Variants in SPECC1 observed in about 807,000 individuals in gnomAD.
The protein encoded by SPECC1 is sperm antigen with calponin homology and coiled-coil domains 1, also known as cytospin-B.
In SPECC1, 62 loss-of-function variants were observed where a neutral mutation model predicts 104.1. That is an observed-to-expected ratio of 0.60 (90% CI 0.49 to 0.74). SPECC1 has a LOEUF of 0.74. Among genes scored for constraint, SPECC1 ranks in the 30% least tolerant of loss-of-function variants. The pLI is 0.00. For missense variants in SPECC1, 1,306 were observed against 1,310.5 expected (o/e 1.00, Z 0.05); for synonymous variants, 513 against 501.6 (o/e 1.02, Z -0.30).
intron 12 of SPECC1, among the ~76,000 whole-genome samples, chr17:20,285,646 C>T (rs1213258782): frequency 1.3e-5 from 2 of 152,070 alleles, no homozygotes; most frequent in Admixed American, 1.3e-4. Context: ...ACTTTTTCCT[C>T]CCCAAAAATC....
chr17:20,247,939 C>T (rs1277475866), intron 9 of SPECC1, among the ~76,000 whole-genome samples: 1 of 152,160 alleles, frequency 6.6e-6, no homozygotes, highest in African/African-American at 2.4e-5. Context: ...GAAAGGTTCC[C>T]AGAGCATCTG....
rs568475763 is a variant in SPECC1, at chr17:20,214,866, G to A, written c.1863+8954G>A. On this transcript the variant is annotated intron_variant, in intron 4 of 14. Coordinates refer to ENST00000395527, the MANE Select transcript of SPECC1 (RefSeq NM_001243439.2). ...GGAGGCTCAGTAGGGTCAGGTGACTGATTTGATGTCAGGGACGGGCAGGAG... is the reference window on the plus strand; with the variant it reads ...GGAGGCTCAGTAGGGTCAGGTGACTAATTTGATGTCAGGGACGGGCAGGAG... Among the ~76,000 whole-genome samples the A allele has an allele frequency of 9.2e-5, 14 of 152,336 alleles. No individual in the cohort carries two copies. The East Asian group carries it at 2.7e-3, about 29-fold the overall frequency.
chr17:20,193,008 T>C (rs1414774247), intron 3 of SPECC1, among the ~76,000 whole-genome samples: 3 of 152,222 alleles, frequency 2.0e-5, no homozygotes, highest in African/African-American at 7.2e-5. Flanking sequence ...GAATGGCTAC[T>C]CCATAGAGCA....
chr17:20,092,016 G>T (rs947219463), intron 1 of SPECC1, among the ~76,000 whole-genome samples: 1 of 152,142 alleles, frequency 6.6e-6, no homozygotes, highest in East Asian at 1.9e-4. Flanking sequence ...CTGTTGCCCA[G>T]CGCCTAATTG....
At chr17:20,112,290 C>A (rs893423762) in intron 3 of SPECC1, 3 of 760,714 alleles carry the variant, frequency 3.9e-6, no homozygotes, top group Non-Finnish European at 7.4e-6. Flanking sequence ...TCATGGAGAG[C>A]TTATTGTACA....
intron 13 of SPECC1, among the ~76,000 whole-genome samples, chr17:20,298,980 G>GTGTGT: frequency 7.1e-5 from 2 of 28,308 alleles, no homozygotes; most frequent in African/African-American, 3.9e-4. Context: ...TGTATGTAGA[G>GTGTGT]AGAGAGAGAG....
intron 7 of SPECC1, among the ~76,000 whole-genome samples, chr17:20,240,793 C>T (rs1448831776): frequency 6.6e-6 from 1 of 152,202 alleles, no homozygotes; most frequent in Non-Finnish European, 1.5e-5. Flanking sequence ...GCTTATATTA[C>T]TTTTAACTCA....
chr17:20,109,867 T>C (rs2048396172), intron 2 of SPECC1, among the ~76,000 whole-genome samples: 1 of 152,208 alleles, frequency 6.6e-6, no homozygotes, highest in South Asian at 2.1e-4. Context: ...TTATTTAAAA[T>C]TTTTGTTTAG....
chr17:20,139,864 C>T (rs1415432338), intron 3 of SPECC1, among the ~76,000 whole-genome samples: 6 of 152,114 alleles, frequency 3.9e-5, no homozygotes, highest in African/African-American at 1.2e-4. Flanking sequence ...TTAGTAGAGA[C>T]GGGGTTTCGC....
intron 12 of SPECC1, chr17:20,290,423 C>CA (rs1423739877): frequency 6.6e-6 from 1 of 151,754 alleles, no homozygotes; most frequent in Non-Finnish European, 1.5e-5. Context: ...CCTTGAATGC[C>CA]AGGGCTCCAG....
intron 1 of SPECC1, among the ~76,000 whole-genome samples, chr17:20,047,176 A>G (rs1490033289): frequency 1.3e-5 from 2 of 152,186 alleles, no homozygotes; most frequent in Admixed American, 6.5e-5. Context: ...CATGTTGTAA[A>G]TGCTTGTGTT....
chr17:20,220,558 G>GTT (rs34347184), intron 4 of SPECC1, among the ~76,000 whole-genome samples: 6 of 128,074 alleles, frequency 4.7e-5, no homozygotes, highest in South Asian at 2.5e-4. Context: ...GTTCTTAATA[G>GTT]TTTTTTTTTT....
intron 3 of SPECC1, among the ~76,000 whole-genome samples, chr17:20,169,021 C>T (rs998683474): frequency 2.6e-5 from 4 of 152,194 alleles, no homozygotes; most frequent in South Asian, 4.2e-4. Flanking sequence ...TACAGGCATG[C>T]GCTACCACAC....
intron 1 of SPECC1, among the ~76,000 whole-genome samples, chr17:20,021,206 G>A (rs1352151209): frequency 6.6e-6 from 1 of 152,120 alleles, no homozygotes; most frequent in Admixed American, 6.5e-5. Context: ...TGTCTTGGGG[G>A]TAGCAGAAGT....
intron 1 of SPECC1, chr17:20,056,427 G>T: frequency 5.2e-6 from 1 of 190,642 alleles, no homozygotes; most frequent in South Asian, 1.1e-4. Context: ...CTTGTATCAT[G>T]GAGTGTCAGC....
chr17:20,121,533 C>T (rs1263755787), intron 3 of SPECC1, among the ~76,000 whole-genome samples: 1 of 152,044 alleles, frequency 6.6e-6, no homozygotes, highest in Non-Finnish European at 1.5e-5. Context: ...ACCGGGGTCT[C>T]GCCATGTTGC....
chr17:20,009,513 G>A lies in SPECC1; in HGVS notation c.-22+89G>A, dbSNP rs2043857301. On this transcript the variant is annotated intron_variant, in intron 1 of 14. Coordinates refer to ENST00000395527, the MANE Select transcript of SPECC1 (RefSeq NM_001243439.2). The surrounding 1 kb of genome is among the most constrained non-coding windows in gnomAD (Gnocchi z 5.2). ...CTGAAGGGATGGGCGGGCGAGCGCG[G>A]GGGTCCGGCAGTCCGTCGTGGGGGC... 6.6e-6 allele frequency: 1 copy of A among 152,344 alleles called. No homozygotes were observed. Among genetic ancestry groups the A allele is most frequent in the Non-Finnish European group, 1.5e-5 (1 of 68,082 alleles). The allele number at this position is 152,344 out of a possible 1,614,324, so 9.4% of individuals were successfully genotyped here.
At chr17:20,076,801 T>G (rs185520708) in intron 1 of SPECC1, among the ~76,000 whole-genome samples, 4 of 152,234 alleles carry the variant, frequency 2.6e-5, no homozygotes, top group African/African-American at 9.6e-5. Context: ...ACTTGTTTAA[T>G]TTCATCCATT....
chr17:20,105,674 C>G (rs2048165844), intron 2 of SPECC1, among the ~76,000 whole-genome samples: 1 of 152,216 alleles, frequency 6.6e-6, no homozygotes, highest in South Asian at 2.1e-4. Context: ...CACCCCTGTT[C>G]TTATCATGAC....
Sources: allele counts gnomAD v4.1 joint callset (sites outside exome capture counted in the v4.1 genomes callset), GRCh38; gene constraint gnomAD v4.1.1; non-coding constraint Gnocchi (gnomAD v3.1); transcripts MANE v1.5; gene names NCBI Gene and HGNC (gene_info 2026-07-23, HGNC 2026-07-21).